The following NKAIN2 variants were observed in gnomAD, a reference collection of about 807,000 sequenced individuals.
NKAIN2 encodes sodium/potassium transporting ATPase interacting 2.
A neutral mutation model predicts 32.6 loss-of-function variants in NKAIN2; 14 were observed. The observed-to-expected ratio is 0.43, with a 90% CI of 0.28 to 0.67. The LOEUF (loss-of-function observed/expected upper bound fraction) is 0.67. Ranked by LOEUF, NKAIN2 falls within the 30% of genes least tolerant of loss-of-function variation. The probability of loss-of-function intolerance (pLI) is 0.17; values close to 1 mark genes in which losing one functional copy is unlikely to be tolerated. For missense variants in NKAIN2, 198 were observed against 258.3 expected (o/e 0.77, Z 1.60); for synonymous variants, 80 against 87.2 (o/e 0.92, Z 0.46).
At chr6:124,533,129 T>G in intron 3 of NKAIN2, among the ~76,000 whole-genome samples, 1 of 152,124 alleles carries the variant, frequency 6.6e-6, no homozygotes, top group African/African-American at 2.4e-5. Context: ...TGATCTACTA[T>G]TTTTTATCTA....
chr6:124,156,056 T>G (rs867985883), intron 1 of NKAIN2, among the ~76,000 whole-genome samples: 11 of 152,050 alleles, frequency 7.2e-5, no homozygotes, highest in South Asian at 4.2e-4. Flanking sequence ...TAGAGTTGCT[T>G]TTGAATAGGA....
At chr6:123,995,249 G>A (rs1779567615) in intron 1 of NKAIN2, among the ~76,000 whole-genome samples, 1 of 152,076 alleles carries the variant, frequency 6.6e-6, no homozygotes, top group African/African-American at 2.4e-5. Flanking sequence ...GGATGAGGAC[G>A]AGCCTTGTTG....
chr6:124,804,891 C>T (rs1169997523), intron 5 of NKAIN2, among the ~76,000 whole-genome samples: 1 of 152,210 alleles, frequency 6.6e-6, no homozygotes, highest in Non-Finnish European at 1.5e-5. Flanking sequence ...TCACTGATTG[C>T]TAGCACAGCA....
intron 3 of NKAIN2, among the ~76,000 whole-genome samples, chr6:124,371,303 G>A (rs989746058): frequency 6.6e-6 from 1 of 151,790 alleles, no homozygotes; most frequent in African/African-American, 2.4e-5. Context: ...ACGAGATAAC[G>A]AGACAAGAGT....
chr6:124,164,914 G>T (rs1788458453), intron 1 of NKAIN2, among the ~76,000 whole-genome samples: 1 of 151,950 alleles, frequency 6.6e-6, no homozygotes, highest in Non-Finnish European at 1.5e-5. Context: ...ACAAATCATG[G>T]TACATTTGTG....
chr6:123,812,387 T>C (rs1490960074), intron 1 of NKAIN2, among the ~76,000 whole-genome samples: 2 of 152,186 alleles, frequency 1.3e-5, no homozygotes, highest in Non-Finnish European at 2.9e-5. Flanking sequence ...TATTTAAGAA[T>C]ATAGAATATT....
chr6:124,230,426 G>A (rs1315539310), intron 1 of NKAIN2, among the ~76,000 whole-genome samples: 2 of 152,160 alleles, frequency 1.3e-5, no homozygotes. Context: ...CAAGCCAGCT[G>A]CAGAAATTTG....
intron 1 of NKAIN2, among the ~76,000 whole-genome samples, chr6:123,865,858 G>T (rs1324746886): frequency 6.6e-6 from 1 of 152,198 alleles, no homozygotes; most frequent in Non-Finnish European, 1.5e-5. Flanking sequence ...GAAAAAGACA[G>T]AGTGTGCAAA....
intron 2 of NKAIN2, among the ~76,000 whole-genome samples, chr6:124,351,508 C>CAAAAA (rs397956239): frequency 1.8e-5 from 2 of 109,030 alleles, no homozygotes; most frequent in African/African-American, 3.2e-5. Flanking sequence ...TCAAAAAAAC[C>CAAAAA]AAAAAAAAAA....
intron 3 of NKAIN2, among the ~76,000 whole-genome samples, chr6:124,522,703 C>T (rs1282199647): frequency 2.0e-5 from 3 of 152,140 alleles, no homozygotes; most frequent in African/African-American, 4.8e-5. Flanking sequence ...AGTTGATCCA[C>T]GTTCCAAGTT....
At chr6:124,407,344 C>T (rs180981130) in intron 3 of NKAIN2, among the ~76,000 whole-genome samples, 3 of 143,532 alleles carry the variant, frequency 2.1e-5, no homozygotes, top group Non-Finnish European at 3.1e-5. Context: ...ATCCCTCCCC[C>T]CTCCCCACAT....
intron 3 of NKAIN2, among the ~76,000 whole-genome samples, chr6:124,523,142 CA>C (rs60961771): frequency 1.7e-5 from 2 of 115,954 alleles, no homozygotes; most frequent in Middle Eastern, 4.2e-3. Flanking sequence ...GACTCCGTCT[CA>C]AAAAAAAAAA....
chr6:124,353,852 A>G (rs1028685344), intron 2 of NKAIN2, among the ~76,000 whole-genome samples: 2 of 152,230 alleles, frequency 1.3e-5, no homozygotes, highest in African/African-American at 2.4e-5. Context: ...CCAGAGATCA[A>G]CTGAAACACA....
chr6:124,525,075 T>C (rs1459984200), intron 3 of NKAIN2, among the ~76,000 whole-genome samples: 1 of 152,152 alleles, frequency 6.6e-6, no homozygotes, highest in Non-Finnish European at 1.5e-5. Flanking sequence ...TCTTTTTAGC[T>C]CTGTGGGTGT....
intron 4 of NKAIN2, among the ~76,000 whole-genome samples, chr6:124,671,013 C>A (rs1371767152): frequency 6.6e-6 from 1 of 152,040 alleles, no homozygotes; most frequent in Non-Finnish European, 1.5e-5. Context: ...ACTCTGCAGA[C>A]TGCTATATTG....
intron 1 of NKAIN2, among the ~76,000 whole-genome samples, chr6:123,961,447 A>G (rs184011549): frequency 6.6e-6 from 1 of 152,338 alleles, no homozygotes; most frequent in East Asian, 1.9e-4. Context: ...ATTTTTCAGC[A>G]TAATGCAGTT....
In NKAIN2 at chr6:124,078,789, TG is replaced by T. The variant is rs1367118768; in HGVS notation, c.55-204215del. 1.3e-3 allele frequency among the ~76,000 whole-genome samples: 50 copies of T among 39,212 alleles called. 1 individual carries two copies. The South Asian group carries it at 0.051, about 40-fold the overall frequency. The allele number at this position is 39,212 out of a possible 152,430, so 25.7% of individuals were successfully genotyped here. On this transcript the variant is annotated intron_variant, in intron 1 of 6. Transcript: ENST00000368417. ...GCCAAAAATGGCTATGTCGTTTTTG[TG>T]TGTGTGTGTGTGTGTGTGTGTGTGT...
intron 4 of NKAIN2, among the ~76,000 whole-genome samples, chr6:124,715,961 GC>G (rs2114618208): frequency 6.6e-6 from 1 of 152,246 alleles, no homozygotes; most frequent in East Asian, 1.9e-4. Context: ...TCAAAGTAAA[GC>G]CCCGTGTTTG....
intron 3 of NKAIN2, among the ~76,000 whole-genome samples, chr6:124,656,428 A>G (rs1280774560): frequency 1.3e-5 from 2 of 152,042 alleles, no homozygotes; most frequent in African/African-American, 4.8e-5. Flanking sequence ...CTATCTCACA[A>G]CTATTATCTG....
Sources: gnomAD v4.1 joint callset for allele counts (sites outside exome capture counted in the v4.1 genomes callset) on GRCh38, gnomAD v4.1.1 for gene constraint, MANE v1.5 for transcripts, NCBI Gene and HGNC (gene_info 2026-07-23, HGNC 2026-07-21) for gene names.